Variants in NDFIP2 observed in about 807,000 individuals in gnomAD.
The protein encoded by NDFIP2 is NEDD4 family-interacting protein 2.
NDFIP2 carries 19 observed loss-of-function variants against 36.0 expected under a neutral mutation model. The ratio of observed to expected loss-of-function variants is 0.53; its 90% CI spans 0.37 to 0.77. NDFIP2 has a LOEUF of 0.77. NDFIP2 is among the 30% of genes least tolerant of loss of function. The pLI is 0.00. For synonymous variants in NDFIP2, 181 were observed against 167.7 expected, an observed-to-expected ratio of 1.08 and a Z score of -0.61; for missense variants, 446 against 435.8, an observed-to-expected ratio of 1.02 and a Z score of -0.21.
intron 1 of NDFIP2, among the ~76,000 whole-genome samples, chr13:79,492,170 G>T (rs971724248): frequency 6.6e-6 from 1 of 151,778 alleles, no homozygotes; most frequent in African/African-American, 2.4e-5. Flanking sequence ...TAATGTGATG[G>T]TATTAACCCC....
chr13:79,523,669 T>C (rs1259150685), intron 2 of NDFIP2, among the ~76,000 whole-genome samples: 1 of 152,224 alleles, frequency 6.6e-6, no homozygotes, highest in East Asian at 1.9e-4. Context: ...CCTCTTTCTC[T>C]TGGAATACCC....
chr13:79,551,855 C>T (rs1875921455), intron 7 of NDFIP2, among the ~76,000 whole-genome samples: 1 of 151,292 alleles, frequency 6.6e-6, no homozygotes, highest in Non-Finnish European at 1.5e-5. Flanking sequence ...GTACCATGTA[C>T]TTTATACCTA....
Position 79,520,002 on chromosome 13 carries a change from T to C in NDFIP2, c.322-808T>C, listed in dbSNP as rs1042207216. 2.0e-5 allele frequency among the ~76,000 whole-genome samples: 3 copies of C among 152,096 alleles called. No individual in the cohort carries two copies. The South Asian group carries it at 6.2e-4, about 32-fold the overall frequency. ...TTTTAGTAGAGATAGGGCTTCACCA[T>C]GTTGGCCAGGCTGGTCTCAAACTCC... On this transcript the variant is annotated intron_variant, in intron 1 of 7. Coordinates refer to ENST00000218652, the MANE Select transcript of NDFIP2 (RefSeq NM_019080.3).
chr13:79,548,967 G>A (rs1875795962), intron 6 of NDFIP2, among the ~76,000 whole-genome samples: 1 of 151,914 alleles, frequency 6.6e-6, no homozygotes, highest in Non-Finnish European at 1.5e-5. Flanking sequence ...TACCTTCAAT[G>A]TGAGATAATT....
chr13:79,502,887 G>A (rs1449173256), intron 1 of NDFIP2, among the ~76,000 whole-genome samples: 3 of 148,438 alleles, frequency 2.0e-5, no homozygotes, highest in East Asian at 3.9e-4. Context: ...TAGCTGGGGG[G>A]AGGTTTTTTT....
At chr13:79,538,866 G>A (rs1159075228) in intron 3 of NDFIP2, among the ~76,000 whole-genome samples, 1 of 152,210 alleles carries the variant, frequency 6.6e-6, no homozygotes, top group African/African-American at 2.4e-5. Context: ...ATAGGCGTGA[G>A]CCACAGCGCC....
chr13:79,549,852 A>G (rs1334627182), intron 6 of NDFIP2, among the ~76,000 whole-genome samples: 1 of 151,798 alleles, frequency 6.6e-6, no homozygotes, highest in Non-Finnish European at 1.5e-5. Context: ...TCCCAAAAGG[A>G]GGGAGTTAGG....
intron 3 of NDFIP2, among the ~76,000 whole-genome samples, chr13:79,536,821 T>G (rs1875259745): frequency 6.6e-6 from 1 of 151,908 alleles, no homozygotes; most frequent in African/African-American, 2.4e-5. Flanking sequence ...CTCAGGAGTT[T>G]GAGACCAGCC....
rs1195426898 is a variant in NDFIP2 at position 79,554,072 on chromosome 13, C to T, written c.*1559C>T. On this transcript the variant is annotated 3_prime_UTR_variant, in exon 8 of 8. Transcript: ENST00000218652. ...TTTTCATTGTCTTTGATAAATAAAA[C>T]AGTTTTGTTTTGCTAATATAGCCTA... The T allele has an allele frequency of 6.6e-6, 1 of 151,362 alleles. No homozygotes were observed. Among genetic ancestry groups the T allele is most frequent in the Non-Finnish European group, 1.5e-5 (1 of 67,556 alleles). 9.4% of individuals were successfully genotyped at this position (151,362 alleles called of 1,614,324 possible).
intron 1 of NDFIP2, among the ~76,000 whole-genome samples, chr13:79,497,641 G>T (rs1873483316): frequency 6.7e-6 from 1 of 148,456 alleles, no homozygotes; most frequent in Non-Finnish European, 1.5e-5. Flanking sequence ...TGAAACTAGA[G>T]CCAACTGTAG....
In NDFIP2 at chr13:79,553,948, A is replaced by T. The variant is rs1383234771; in HGVS notation, c.*1435A>T. On this transcript the variant is annotated 3_prime_UTR_variant, in exon 8 of 8. Transcript: ENST00000218652. ...ATTGATTTCTTATTTATTATTAGACATTACTACTAAAAGGTACATCTAACT... is the reference window on the plus strand; with the variant it reads ...ATTGATTTCTTATTTATTATTAGACTTTACTACTAAAAGGTACATCTAACT... The T allele has an allele frequency of 2.6e-5, 4 of 151,766 alleles. No individual in the cohort carries two copies. Among genetic ancestry groups the T allele is most frequent in the Non-Finnish European group, 5.9e-5 (4 of 67,590 alleles). 9.4% of individuals were successfully genotyped at this position (151,766 alleles called of 1,614,324 possible).
chr13:79,487,390 C>T (rs191377249), intron 1 of NDFIP2, among the ~76,000 whole-genome samples: 70 of 152,176 alleles, frequency 4.6e-4, no homozygotes, highest in Admixed American at 1.6e-3. Flanking sequence ...TCGTATAAAT[C>T]GAATGAATAC....
chr13:79,489,123 T>G (rs368942638), intron 1 of NDFIP2, among the ~76,000 whole-genome samples: 2 of 152,204 alleles, frequency 1.3e-5, no homozygotes, highest in Non-Finnish European at 2.9e-5. Flanking sequence ...TTATTTTCTT[T>G]TAAGATTCCA....
chr13:79,489,619 C>T (rs1047842610), intron 1 of NDFIP2, among the ~76,000 whole-genome samples: 2 of 152,158 alleles, frequency 1.3e-5, no homozygotes, highest in African/African-American at 4.8e-5. Context: ...TAACTCCATC[C>T]ACTCTTAAGT....
intron 3 of NDFIP2, among the ~76,000 whole-genome samples, chr13:79,538,526 A>G (rs973690088): frequency 6.6e-6 from 1 of 152,192 alleles, no homozygotes; most frequent in African/African-American, 2.4e-5. Flanking sequence ...GGCCAACAAA[A>G]GGGGATACAA....
intron 2 of NDFIP2, among the ~76,000 whole-genome samples, chr13:79,530,602 T>C (rs1874977883): frequency 2.6e-5 from 4 of 152,344 alleles, no homozygotes; most frequent in African/African-American, 9.6e-5. Flanking sequence ...GTTAAACTTA[T>C]GTAATCTAAG....
chr13:79,539,870 A>C (rs1430979262), intron 4 of NDFIP2, 95 bp downstream of exon 4: 1 of 942,706 alleles, frequency 1.1e-6, no homozygotes, highest in Non-Finnish European at 1.7e-6. Flanking sequence ...TATTGTTAGC[A>C]TATGTCTACC....
intron 1 of NDFIP2, 36 bp downstream of exon 1, chr13:79,481,560 C>G (rs918878791): frequency 6.6e-6 from 10 of 1,518,420 alleles, no homozygotes; most frequent in Non-Finnish European, 7.9e-6. Context: ...CCGGGACTGC[C>G]TCCCGCCGCG....
intron 6 of NDFIP2, among the ~76,000 whole-genome samples, chr13:79,549,333 T>C (rs1875811276): frequency 6.6e-6 from 1 of 151,966 alleles, no homozygotes; most frequent in Admixed American, 6.6e-5. Flanking sequence ...TGTTCTTTAT[T>C]GAGTTTCTTA....
Sources: gnomAD v4.1 joint callset for allele counts (sites outside exome capture counted in the v4.1 genomes callset) on GRCh38, gnomAD v4.1.1 for gene constraint, MANE v1.5 for transcripts, NCBI Gene and HGNC (gene_info 2026-07-23, HGNC 2026-07-21) for gene names.